B3GALT1: variants seen among roughly 807,000 people sequenced by gnomAD.
The protein encoded by B3GALT1 is UDP-Gal:betaGlcNAc beta 1,3-galactosyltransferase, polypeptide 1.
Under a neutral mutation model 23.2 loss-of-function variants are expected in B3GALT1, and 10 were observed. The ratio of observed to expected loss-of-function variants is 0.43; its 90% CI spans 0.27 to 0.73. The LOEUF is 0.73. Among genes scored for constraint, B3GALT1 ranks in the 30% least tolerant of loss-of-function variants. The pLI is 0.21. For synonymous variants in B3GALT1, 156 were observed against 141.5 expected, an observed-to-expected ratio of 1.10 and a Z score of -0.73; for missense variants, 299 against 405.4, an observed-to-expected ratio of 0.74 and a Z score of 2.25.
chr2:167,865,322 T>C (rs544975720), intron 4 of B3GALT1, among the ~76,000 whole-genome samples: 2 of 152,194 alleles, frequency 1.3e-5, no homozygotes, highest in African/African-American at 4.8e-5. Context: ...GGCAGGAGAA[T>C]CGCTTGAACC....
chr2:167,412,421 A>G (rs1386782977), intron 1 of B3GALT1, among the ~76,000 whole-genome samples: 1 of 152,204 alleles, frequency 6.6e-6, no homozygotes, highest in Non-Finnish European at 1.5e-5. Context: ...AATGCAGACA[A>G]TCAAATAGAG....
chr2:167,787,033 G>C (rs988426178), intron 3 of B3GALT1, among the ~76,000 whole-genome samples: 1 of 152,194 alleles, frequency 6.6e-6, no homozygotes, highest in South Asian at 2.1e-4. Context: ...CTAGAAGTAG[G>C]AAATCCCTGG....
chr2:167,710,930 G>A (rs61527917), intron 3 of B3GALT1, among the ~76,000 whole-genome samples: 21,107 of 152,034 alleles, frequency 0.14, 2,741 homozygotes, highest in East Asian at 0.41. Context: ...CTTTCAAGTG[G>A]ATCAGATTAG....
At chr2:167,332,942 T>C (rs112158027) in intron 1 of B3GALT1, among the ~76,000 whole-genome samples, 124 of 152,352 alleles carry the variant, frequency 8.1e-4, no homozygotes, top group African/African-American at 2.8e-3. Flanking sequence ...TGTGCAGATA[T>C]ATTTTTTATT....
At chr2:167,339,691 A>G (rs1252107265) in intron 1 of B3GALT1, among the ~76,000 whole-genome samples, 2 of 152,222 alleles carry the variant, frequency 1.3e-5, no homozygotes, top group African/African-American at 4.8e-5. Context: ...TAGGTAACCG[A>G]AATTGAAAAC....
intron 1 of B3GALT1, among the ~76,000 whole-genome samples, chr2:167,464,005 C>G (rs570275462): frequency 4.3e-4 from 65 of 152,284 alleles, no homozygotes; most frequent in Middle Eastern, 3.4e-3. Context: ...CCTTTCAGAG[C>G]TCTGCCTTAC....
intron 2 of B3GALT1, among the ~76,000 whole-genome samples, chr2:167,537,337 G>A (rs552035084): frequency 6.6e-6 from 1 of 152,222 alleles, no homozygotes; most frequent in South Asian, 2.1e-4. Flanking sequence ...ATTACCACAA[G>A]TCAAGGTGAG....
chr2:167,476,753 A>G (rs1375103389), intron 1 of B3GALT1, among the ~76,000 whole-genome samples: 3 of 152,232 alleles, frequency 2.0e-5, no homozygotes, highest in African/African-American at 7.2e-5. Context: ...AAAGTTGAAC[A>G]ATTCATTTCA....
intron 1 of B3GALT1, among the ~76,000 whole-genome samples, chr2:167,402,529 C>T (rs961673555): frequency 1.3e-5 from 2 of 152,036 alleles, no homozygotes; most frequent in Non-Finnish European, 2.9e-5. Context: ...TCTACTAAGG[C>T]TTATTGTGCA....
At chr2:167,745,709 A>G (rs562279291) in intron 3 of B3GALT1, among the ~76,000 whole-genome samples, 1 of 151,916 alleles carries the variant, frequency 6.6e-6, no homozygotes, top group South Asian at 2.1e-4. Flanking sequence ...AAAACCATCT[A>G]TTTATCTTGG....
intron 1 of B3GALT1, among the ~76,000 whole-genome samples, chr2:167,353,584 T>C (rs1697352391): frequency 6.6e-6 from 1 of 152,222 alleles, no homozygotes; most frequent in African/African-American, 2.4e-5. Context: ...TATACACAAC[T>C]CAGCTAACAG....
intron 2 of B3GALT1, among the ~76,000 whole-genome samples, chr2:167,642,472 C>G (rs1685669900): frequency 6.6e-6 from 1 of 152,186 alleles, no homozygotes; most frequent in Non-Finnish European, 1.5e-5. Flanking sequence ...TAACTACAAT[C>G]TATCAGAAGA....
At chr2:167,336,715 T>C (rs908656625) in intron 1 of B3GALT1, among the ~76,000 whole-genome samples, 2 of 152,178 alleles carry the variant, frequency 1.3e-5, no homozygotes, top group Admixed American at 1.3e-4. Context: ...AACCGGAAGA[T>C]GCAGTAGATG....
At position 167,871,057 on chromosome 2, in the gene B3GALT1, A is replaced by G. The variant is rs1488586874; in HGVS notation, c.*1037A>G. ...ATTGAAAGACTTGGCCCTACTTGCT[A>G]ACATCTGAAAACACCAGAGCATGTT... On this transcript the variant is annotated 3_prime_UTR_variant, in exon 5 of 5. Coordinates refer to ENST00000392690, the MANE Select transcript of B3GALT1 (RefSeq NM_020981.4). The G allele has an allele frequency of 1.3e-5, 2 of 153,122 alleles. No homozygotes were observed. The highest frequency in any genetic ancestry group is 2.9e-5 in the Non-Finnish European group (2 of 68,034). The allele number at this position is 153,122 out of a possible 1,614,324, so 9.5% of individuals were successfully genotyped here. A position where few individuals can be genotyped will look rare whatever the true frequency, so the allele number is the denominator to read the frequency against.
intron 3 of B3GALT1, among the ~76,000 whole-genome samples, chr2:167,685,387 C>T (rs1254496068): frequency 6.6e-6 from 1 of 152,154 alleles, no homozygotes; most frequent in South Asian, 2.1e-4. Context: ...GCCACAGTGC[C>T]TAGCTATCCA....
At chr2:167,309,409 T>TTATGGACC (rs1385104775) in intron 1 of B3GALT1, among the ~76,000 whole-genome samples, 5 of 152,056 alleles carry the variant, frequency 3.3e-5, no homozygotes, top group African/African-American at 4.8e-5. Flanking sequence ...AACTTAGAGT[T>TTATGGACC]TATGGACCTT....
At chr2:167,560,243 A>G (rs1263598311) in intron 2 of B3GALT1, among the ~76,000 whole-genome samples, 1 of 152,228 alleles carries the variant, frequency 6.6e-6, no homozygotes, top group Non-Finnish European at 1.5e-5. Flanking sequence ...TACTTTACAG[A>G]CAAACAAATG....
intron 3 of B3GALT1, among the ~76,000 whole-genome samples, chr2:167,702,594 G>A (rs1338171176): frequency 1.3e-5 from 2 of 152,200 alleles, no homozygotes; most frequent in Non-Finnish European, 2.9e-5. Flanking sequence ...GTAACATTAT[G>A]TGATGATTAC....
At chr2:167,541,978 A>G (rs17565731) in intron 2 of B3GALT1, among the ~76,000 whole-genome samples, 1,846 of 152,176 alleles carry the variant, frequency 0.012, 17 homozygotes, top group Middle Eastern at 0.02. Context: ...TTGTATGGCA[A>G]TATTAATACA....
Sources: gnomAD v4.1 joint callset for allele counts (sites outside exome capture counted in the v4.1 genomes callset) on GRCh38, gnomAD v4.1.1 for gene constraint, MANE v1.5 for transcripts, NCBI Gene and HGNC (gene_info 2026-07-23, HGNC 2026-07-21) for gene names.